PDE11A: variants seen among roughly 807,000 people sequenced by gnomAD.
PDE11A encodes the protein phosphodiesterase 11A, also known as dual 3',5'-cyclic-AMP and -GMP phosphodiesterase 11A.
PDE11A carries 100 observed loss-of-function variants against 100.5 expected under a neutral mutation model. That is an observed-to-expected ratio of 1.00 (90% CI 0.85 to 1.18). PDE11A has a LOEUF of 1.18. Among genes scored for constraint, PDE11A ranks in the 50% most tolerant of loss-of-function variants. The pLI, the probability that PDE11A is intolerant of heterozygous loss-of-function variation, is 0.00. For missense variants in PDE11A, 1,141 were observed against 1,152.6 expected (o/e 0.99, Z 0.15); for synonymous variants, 381 against 420.8 (o/e 0.91, Z 1.16).
chr2:177,631,584 T>TACATGTATATATATATAC (rs2079944149), intron 19 of PDE11A, among the ~76,000 whole-genome samples: 1 of 31,038 alleles, frequency 3.2e-5, no homozygotes, highest in African/African-American at 8.7e-5. Flanking sequence ...TATATATATA[T>TACATGTATATATATATAC]ACACACACAT....
At chr2:177,858,922 A>G (rs2083892681) in intron 5 of PDE11A, among the ~76,000 whole-genome samples, 1 of 152,162 alleles carries the variant, frequency 6.6e-6, no homozygotes, top group Admixed American at 6.5e-5. Flanking sequence ...AGCCATAAAA[A>G]AGGATGAGTT....
At chr2:177,829,084 A>G (rs2083269319) in intron 6 of PDE11A, among the ~76,000 whole-genome samples, 1 of 152,102 alleles carries the variant, frequency 6.6e-6, no homozygotes, top group Non-Finnish European at 1.5e-5. Context: ...TGATGAATTC[A>G]TGTTCAACAT....
At chr2:177,681,860 G>T (rs1350039154) in intron 15 of PDE11A, among the ~76,000 whole-genome samples, 7 of 152,110 alleles carry the variant, frequency 4.6e-5, no homozygotes, top group African/African-American at 1.7e-4. Context: ...ATGACAGACA[G>T]CAGGCCCTAA....
chr2:177,926,710 G>A (rs1197337466), intron 2 of PDE11A, among the ~76,000 whole-genome samples: 3 of 151,980 alleles, frequency 2.0e-5, no homozygotes, highest in Non-Finnish European at 4.4e-5. Flanking sequence ...CCAAAATGTG[G>A]TACAGATAAT....
intron 19 of PDE11A, among the ~76,000 whole-genome samples, chr2:177,663,203 C>A (rs76124243): frequency 0.057 from 8,374 of 146,882 alleles, 325 homozygotes; most frequent in East Asian, 0.18. Flanking sequence ...CCATTCAAAG[C>A]GACACTTTTC....
intron 10 of PDE11A, among the ~76,000 whole-genome samples, chr2:177,758,511 G>A (rs1197749489): frequency 6.6e-6 from 1 of 152,102 alleles, no homozygotes; most frequent in African/African-American, 2.4e-5. Flanking sequence ...AGTATTCTGG[G>A]GAAAAGGAAG....
intron 1 of PDE11A, among the ~76,000 whole-genome samples, chr2:178,062,701 A>G (rs1291489290): frequency 6.6e-6 from 1 of 152,220 alleles, no homozygotes; most frequent in Non-Finnish European, 1.5e-5. Flanking sequence ...GTGCATACCC[A>G]TTTAAATGAA....
chr2:177,761,280 A>T (rs533910055), intron 10 of PDE11A, among the ~76,000 whole-genome samples: 86 of 152,362 alleles, frequency 5.6e-4, no homozygotes, highest in African/African-American at 2.0e-3. Flanking sequence ...AACCAGGAAC[A>T]TAAAAACAAG....
chr2:177,945,732 G>T (rs1197429135), intron 2 of PDE11A, among the ~76,000 whole-genome samples: 1 of 152,026 alleles, frequency 6.6e-6, no homozygotes, highest in East Asian at 2.0e-4. Context: ...GGAGGTGGGG[G>T]GGGTCAGCCC....
intron 19 of PDE11A, among the ~76,000 whole-genome samples, chr2:177,651,461 A>T (rs2080307809): frequency 6.6e-6 from 1 of 152,184 alleles, no homozygotes; most frequent in Non-Finnish European, 1.5e-5. Flanking sequence ...AAAAGTGCAG[A>T]GTGAAGCTGC....
chr2:177,720,364 G>T (rs2081508439), intron 12 of PDE11A, among the ~76,000 whole-genome samples: 1 of 152,066 alleles, frequency 6.6e-6, no homozygotes, highest in Admixed American at 6.6e-5. Flanking sequence ...TCTTACCTTT[G>T]TCAATCAGAG....
Position 177,983,031 on chromosome 2 carries a change from G to A in PDE11A, c.1071+31271C>T, listed in dbSNP as rs540466103. Among the ~76,000 whole-genome samples the A allele has an allele frequency of 1.9e-4, 28 of 150,576 alleles. 1 individual carries two copies. The highest frequency in any genetic ancestry group is 3.1e-4 in the Non-Finnish European group (21 of 67,248). ...GGGGAATTTGCAGTGACCTGAGATC[G>A]CGCCATTACACTCCAGCATGGGTGA... is the stretch of plus-strand genomic sequence containing the variant. On this transcript the variant is annotated intron_variant, in intron 2 of 19. Transcript: ENST00000286063.
intron 3 of PDE11A, among the ~76,000 whole-genome samples, chr2:177,903,437 A>T (rs1181574472): frequency 6.6e-6 from 1 of 152,156 alleles, no homozygotes; most frequent in African/African-American, 2.4e-5. Context: ...TCTAATATGT[A>T]TTGTTCTCAT....
At chr2:177,633,578 T>G (rs1023967171) in intron 19 of PDE11A, among the ~76,000 whole-genome samples, 1 of 152,260 alleles carries the variant, frequency 6.6e-6, no homozygotes, top group Non-Finnish European at 1.5e-5. Flanking sequence ...TCAAATTTAC[T>G]AGTTATTTCA....
intron 10 of PDE11A, among the ~76,000 whole-genome samples, chr2:177,748,194 A>G (rs183483600): frequency 6.6e-6 from 1 of 152,330 alleles, no homozygotes; most frequent in East Asian, 1.9e-4. Flanking sequence ...CCAATAAATG[A>G]TATGATAAAT....
intron 2 of PDE11A, among the ~76,000 whole-genome samples, chr2:177,985,872 A>G (rs985868672): frequency 4.6e-5 from 7 of 152,240 alleles, no homozygotes; most frequent in Admixed American, 2.0e-4. Flanking sequence ...AAGCTTACAC[A>G]TTATGTTGCA....
chr2:178,101,973 TG>T (rs1357373855), intron 2 of PDE11A, among the ~76,000 whole-genome samples: 1 of 152,164 alleles, frequency 6.6e-6, no homozygotes, highest in Non-Finnish European at 1.5e-5. Flanking sequence ...TTCTTTTTTT[TG>T]TTTTTTTGAG....
intron 2 of PDE11A, chr2:177,998,861 A>ACTATTACACCCAACTGGATGGCT (rs1456162866): frequency 1.7e-6 from 1 of 599,364 alleles, no homozygotes; most frequent in African/African-American, 1.9e-5. Flanking sequence ...CACTACCTGC[A>ACTATTACACCCAACTGGATGGCT]CTATTACACC....
intron 10 of PDE11A, among the ~76,000 whole-genome samples, chr2:177,743,834 T>C (rs1235331961): frequency 6.6e-6 from 1 of 152,102 alleles, no homozygotes; most frequent in East Asian, 1.9e-4. Flanking sequence ...GAAGGGGTGA[T>C]TGAATGGGGC....
Sources: allele counts gnomAD v4.1 joint callset (sites outside exome capture counted in the v4.1 genomes callset), GRCh38; gene constraint gnomAD v4.1.1; transcripts MANE v1.5; gene names NCBI Gene and HGNC (gene_info 2026-07-23, HGNC 2026-07-21).